Variants in TFEC observed in about 807,000 individuals in gnomAD.
TFEC encodes transcription factor EC.
TFEC carries 31 observed loss-of-function variants against 41.6 expected under a neutral mutation model. That is an observed-to-expected ratio of 0.74 (90% CI 0.56 to 1.01). The LOEUF (loss-of-function observed/expected upper bound fraction) is 1.01. TFEC is among the 50% of genes least tolerant of loss of function. The pLI, the probability that TFEC is intolerant of heterozygous loss-of-function variation, is 0.00. For missense variants in TFEC, 402 were observed against 404.1 expected, an observed-to-expected ratio of 0.99 and a Z score of 0.04; for synonymous variants, 143 against 140.6, an observed-to-expected ratio of 1.02 and a Z score of -0.12.
At chr7:116,151,532 T>G (rs1394523280) in intron 1 of TFEC, among the ~76,000 whole-genome samples, 1 of 152,142 alleles carries the variant, frequency 6.6e-6, no homozygotes, top group Non-Finnish European at 1.5e-5. Flanking sequence ...CATGAGCCAC[T>G]GTGCCCAGAC....
At chr7:116,074,964 C>G (rs1200294337) in intron 3 of TFEC, among the ~76,000 whole-genome samples, 4 of 152,282 alleles carry the variant, frequency 2.6e-5, no homozygotes, top group African/African-American at 9.6e-5. Flanking sequence ...AGTTCTGATA[C>G]ATGACATCCT....
In TFEC at chr7:116,046,698, G is replaced by C. The variant is rs545681159; in HGVS notation, c.199-62185C>G. 5.9e-5 allele frequency among the ~76,000 whole-genome samples: 9 copies of C among 152,298 alleles called. No homozygotes were observed. The South Asian group carries it at 1.0e-3, about 18-fold the overall frequency. On this transcript the variant is annotated intron_variant, in intron 3 of 8. Transcript: ENST00000484212. Reference sequence around the variant, plus strand: ...GCTTTATACTTGTTTTATACCGTAAGTTCTAAGAAGGCAGGAACTGGGTCA... The same window carrying C: ...GCTTTATACTTGTTTTATACCGTAACTTCTAAGAAGGCAGGAACTGGGTCA...
chr7:116,135,291 G>A (rs919082068), intron 1 of TFEC, among the ~76,000 whole-genome samples: 2 of 152,096 alleles, frequency 1.3e-5, no homozygotes, highest in South Asian at 2.1e-4. Flanking sequence ...ATATGGAAGC[G>A]TTTCCTTTGA....
intron 3 of TFEC, among the ~76,000 whole-genome samples, chr7:116,053,063 C>T (rs892489628): frequency 6.6e-6 from 1 of 151,674 alleles, no homozygotes; most frequent in African/African-American, 2.4e-5. Context: ...CGGAGCGAGA[C>T]TCCATTTAAA....
At chr7:115,972,399 G>T (rs560820691) in intron 3 of TFEC, among the ~76,000 whole-genome samples, 1 of 152,044 alleles carries the variant, frequency 6.6e-6, no homozygotes, top group East Asian at 1.9e-4. Context: ...CAAAGCAAAG[G>T]CAGGTTACGT....
intron 1 of TFEC, among the ~76,000 whole-genome samples, chr7:116,125,036 T>C (rs910310843): frequency 1.3e-5 from 2 of 152,164 alleles, no homozygotes; most frequent in Non-Finnish European, 2.9e-5. Context: ...CTTCAACAAA[T>C]ACTGAAGGCC....
intron 3 of TFEC, among the ~76,000 whole-genome samples, chr7:116,075,844 AC>A (rs973044706): frequency 6.6e-6 from 1 of 152,116 alleles, no homozygotes; most frequent in African/African-American, 2.4e-5. Context: ...CTATGGTCCT[AC>A]CCACCACCTG....
At chr7:116,100,895 T>A (rs1797588686) in intron 3 of TFEC, among the ~76,000 whole-genome samples, 1 of 152,032 alleles carries the variant, frequency 6.6e-6, no homozygotes, top group South Asian at 2.1e-4. Context: ...AAGAGCACAC[T>A]GAGCCTGAAA....
At position 116,147,973 on chromosome 7, in the gene TFEC, T is replaced by C. The variant is rs572869690; in HGVS notation, c.-69+11817A>G. ...ATAACTCTAATAAATAAGTAAAATATGCTGTGAAAGGAATGGACCCAGATA... is the reference window on the plus strand; with the variant it reads ...ATAACTCTAATAAATAAGTAAAATACGCTGTGAAAGGAATGGACCCAGATA... On this transcript the variant is annotated intron_variant, in intron 1 of 8. Coordinates refer to the TFEC transcript ENST00000484212. Among the ~76,000 whole-genome samples the C allele has an allele frequency of 7.6e-4, 115 of 152,196 alleles. 1 individual carries two copies. The highest frequency in any genetic ancestry group is 2.6e-3 in the African/African-American group (109 of 41,530).
chr7:116,087,529 C>T (rs1797229183), intron 3 of TFEC, among the ~76,000 whole-genome samples: 1 of 151,944 alleles, frequency 6.6e-6, no homozygotes, highest in South Asian at 2.1e-4. Context: ...AGGCTTTCAC[C>T]CATAAGCTGT....
intron 3 of TFEC, among the ~76,000 whole-genome samples, chr7:115,963,107 T>C (rs1792654968): frequency 6.6e-6 from 1 of 151,614 alleles, no homozygotes; most frequent in African/African-American, 2.4e-5. Context: ...CAGTGTTTGG[T>C]TTTCTGTCCT....
chr7:116,061,968 T>C (rs1375496434), intron 3 of TFEC, among the ~76,000 whole-genome samples: 2 of 152,018 alleles, frequency 1.3e-5, no homozygotes, highest in African/African-American at 2.4e-5. Context: ...GTGAAGGAAC[T>C]TGAACTCTCA....
intron 1 of TFEC, among the ~76,000 whole-genome samples, chr7:115,989,810 C>T (rs1230163147): frequency 6.6e-6 from 1 of 152,184 alleles, no homozygotes; most frequent in African/African-American, 2.4e-5. Flanking sequence ...CAGGGCATAA[C>T]TGAACAAAAG....
chr7:116,106,711 A>C (rs1455595739), intron 3 of TFEC, among the ~76,000 whole-genome samples: 8 of 152,150 alleles, frequency 5.3e-5, no homozygotes, highest in Non-Finnish European at 1.2e-4. Flanking sequence ...CAAAGTGGGC[A>C]GTACCTTCAT....
chr7:115,995,771 G>A (rs557065412), intron 1 of TFEC, among the ~76,000 whole-genome samples: 2 of 152,252 alleles, frequency 1.3e-5, no homozygotes, highest in Admixed American at 6.5e-5. Context: ...CTGTGCTCTT[G>A]GGGGAGAAAG....
At chr7:116,142,178 T>G (rs1055386043) in intron 1 of TFEC, among the ~76,000 whole-genome samples, 1 of 152,192 alleles carries the variant, frequency 6.6e-6, no homozygotes, top group African/African-American at 2.4e-5. Flanking sequence ...GCTAGAAGAA[T>G]GTACATCTTC....
intron 1 of TFEC, among the ~76,000 whole-genome samples, chr7:115,992,239 C>T (rs1467517325): frequency 6.6e-6 from 1 of 151,972 alleles, no homozygotes; most frequent in African/African-American, 2.4e-5. Flanking sequence ...CACTAAATGC[C>T]CACAAGAGAG....
At chr7:116,140,467 A>G (rs777146620) in intron 1 of TFEC, among the ~76,000 whole-genome samples, 1 of 152,214 alleles carries the variant, frequency 6.6e-6, no homozygotes, top group Non-Finnish European at 1.5e-5. Flanking sequence ...AGCATCCTTG[A>G]GAGAGCCTAG....
rs187362832 is a variant in TFEC, at chr7:115,984,586, G to T, written c.-72-73C>A. On this transcript the variant is annotated intron_variant, in intron 1 of 7. Transcript: ENST00000265440. ...AATTAGAGTTCTCCTTTCCACAATT[G>T]CACTAGGATAATAAACACACTACAC... The T allele has an allele frequency of 1.6e-5, 24 of 1,520,130 alleles. No individual in the cohort carries two copies. The African/African-American group carries it at 1.9e-4, about 12-fold the overall frequency. 94.2% of individuals were successfully genotyped at this position (1,520,130 alleles called of 1,614,324 possible).
Sources: allele counts gnomAD v4.1 joint callset (sites outside exome capture counted in the v4.1 genomes callset), GRCh38; gene constraint gnomAD v4.1.1; transcripts MANE v1.5; gene names NCBI Gene and HGNC (gene_info 2026-07-23, HGNC 2026-07-21).